The following SUZ12 variants were observed in gnomAD, a reference collection of about 807,000 sequenced individuals.
SUZ12 encodes polycomb protein SUZ12.
In SUZ12, 17 loss-of-function variants were observed where a neutral mutation model predicts 87.3. The observed-to-expected ratio is 0.19, with a 90% CI of 0.13 to 0.29. SUZ12 has a LOEUF of 0.29. Among genes scored for constraint, SUZ12 ranks in the 10% least tolerant of loss-of-function variants. The pLI is 1.00. For synonymous variants in SUZ12, 253 were observed against 312.4 expected (o/e 0.81, Z 2.01); for missense variants, 526 against 912.2 (o/e 0.58, Z 5.45).
At position 31,999,035 on chromosome 17, in the gene SUZ12, T is replaced by C. The variant is rs370088626; in HGVS notation, c.*32T>C. ...CTAACCCCATGTTATGGACAAACAC[T>C]GAAATTACATTTTAGGGAATTCATC... On this transcript the variant is annotated 3_prime_UTR_variant, in exon 16 of 16. Coordinates refer to ENST00000322652, the MANE Select transcript of SUZ12 (RefSeq NM_015355.4). 6.8e-7 allele frequency: 1 copy of C among 1,468,190 alleles called. No individual in the cohort carries two copies. 90.9% of individuals were successfully genotyped at this position (1,468,190 alleles called of 1,614,324 possible).
chr17:31,998,473 CTT>C lies in SUZ12; in HGVS notation c.1875-184_1875-183del, dbSNP rs556575359. 2.4e-4 allele frequency among the ~76,000 whole-genome samples: 36 copies of C among 152,108 alleles called. 1 individual carries two copies. The highest frequency in any genetic ancestry group is 1.0e-3 in the Admixed American group (16 of 15,268). On this transcript the variant is annotated intron_variant, in intron 15 of 15. Coordinates refer to ENST00000322652, the MANE Select transcript of SUZ12 (RefSeq NM_015355.4). ...TTTAAGCTTAAGTTAGATTAAATCT[CTT>C]GAAATTTTTAAAATGGTAAGCTCAT...
At chr17:31,982,288 A>G (rs538315848) in intron 8 of SUZ12, among the ~76,000 whole-genome samples, 3 of 152,356 alleles carry the variant, frequency 2.0e-5, no homozygotes, top group Non-Finnish European at 4.4e-5. Context: ...TCAAACAATT[A>G]CAGTAGTTAA....
At chr17:31,937,594 C>G in intron 1 of SUZ12, 74 bp downstream of exon 1, 7 of 1,514,280 alleles carry the variant, frequency 4.6e-6, no homozygotes, top group Non-Finnish European at 6.2e-6. Context: ...TCTGCTGGGC[C>G]CCCTTCCTCC....
intron 9 of SUZ12, among the ~76,000 whole-genome samples, chr17:31,986,059 C>T (rs1367185679): frequency 2.6e-5 from 4 of 151,908 alleles, no homozygotes; most frequent in Non-Finnish European, 5.9e-5. Context: ...ACCTCTGCCT[C>T]CTGGGTTCAA....
chr17:31,990,121 ATT>A (rs59793925), intron 10 of SUZ12, among the ~76,000 whole-genome samples: 51 of 99,826 alleles, frequency 5.1e-4, no homozygotes, highest in African/African-American at 2.2e-3. Context: ...TGCCCGGCTA[ATT>A]TTTTTTTTTT....
intron 4 of SUZ12, among the ~76,000 whole-genome samples, chr17:31,953,711 ATT>A (rs756892113): frequency 2.1e-4 from 27 of 131,678 alleles, no homozygotes; most frequent in Admixed American, 3.8e-4. Context: ...CCCAGCCTCA[ATT>A]TTTTTTTTTT....
chr17:31,958,154 A>G (rs193107752), intron 4 of SUZ12, among the ~76,000 whole-genome samples: 16,080 of 151,426 alleles, frequency 0.11, 1,041 homozygotes, highest in Middle Eastern at 0.15. Flanking sequence ...CGCCCACCTC[A>G]GCCTCCCAAA....
intron 9 of SUZ12, among the ~76,000 whole-genome samples, chr17:31,987,223 G>A (rs968226026): frequency 1.3e-5 from 2 of 152,136 alleles, no homozygotes; most frequent in African/African-American, 2.4e-5. Flanking sequence ...CAAAAATAAC[G>A]TGAGAAGGAA....
At chr17:31,984,620 A>G (rs1909304390) in intron 9 of SUZ12, among the ~76,000 whole-genome samples, 1 of 152,260 alleles carries the variant, frequency 6.6e-6, no homozygotes, top group African/African-American at 2.4e-5. Flanking sequence ...ATTGTGAATT[A>G]TAAAACAAGA....
intron 9 of SUZ12, among the ~76,000 whole-genome samples, chr17:31,987,995 C>G (rs757695732): frequency 1.3e-5 from 2 of 151,904 alleles, no homozygotes; most frequent in Non-Finnish European, 2.9e-5. Context: ...GGAAATTTTC[C>G]CATGATAACT....
intron 10 of SUZ12, among the ~76,000 whole-genome samples, chr17:31,989,098 T>C (rs554456319): frequency 6.6e-6 from 1 of 151,734 alleles, no homozygotes; most frequent in African/African-American, 2.4e-5. Context: ...AGTCAATAAA[T>C]TAAAAAAGTA....
At chr17:31,964,084 TG>T (rs1174323771) in intron 4 of SUZ12, among the ~76,000 whole-genome samples, 1 of 152,004 alleles carries the variant, frequency 6.6e-6, no homozygotes, top group Non-Finnish European at 1.5e-5. Context: ...TGGAGTGCAG[TG>T]GTGCAATCTC....
intron 1 of SUZ12, among the ~76,000 whole-genome samples, chr17:31,938,133 A>G (rs1390863937): frequency 5.9e-5 from 9 of 152,082 alleles, no homozygotes; most frequent in Admixed American, 5.2e-4. Context: ...TGCTTTTTCT[A>G]CCTGGCTTAC....
intron 4 of SUZ12, among the ~76,000 whole-genome samples, chr17:31,954,393 A>T (rs1907178517): frequency 6.6e-6 from 1 of 152,002 alleles, no homozygotes; most frequent in African/African-American, 2.4e-5. Flanking sequence ...AAGCTTTTGA[A>T]TTAGTAACCT....
In SUZ12 at chr17:31,954,566, C is replaced by G. The variant is rs185133374; in HGVS notation, c.455+6881C>G. ...TGAACAAAATGGATGAAGGCCCTGC[C>G]TTTATGGAGCTTAGTGTTAGGGGAG... On this transcript the variant is annotated intron_variant, in intron 4 of 15. Coordinates refer to ENST00000322652, the MANE Select transcript of SUZ12 (RefSeq NM_015355.4). Among the ~76,000 whole-genome samples, 13 of 148,250 alleles carry G rather than the reference C, an allele frequency of 8.8e-5. No homozygotes were observed. In the East Asian group the frequency reaches 2.5e-3, roughly 29 times the overall value.
intron 4 of SUZ12, among the ~76,000 whole-genome samples, chr17:31,963,078 A>G (rs187696780): frequency 2.6e-3 from 394 of 151,878 alleles, no homozygotes; most frequent in African/African-American, 8.8e-3. Context: ...TGATTCATGT[A>G]AAAATGTTTA....
intron 3 of SUZ12, among the ~76,000 whole-genome samples, chr17:31,946,835 G>GT (rs1906667059): frequency 6.6e-6 from 1 of 152,098 alleles, no homozygotes; most frequent in Non-Finnish European, 1.5e-5. Flanking sequence ...GCTTTGAGAA[G>GT]TTATACTTAA....
intron 5 of SUZ12, chr17:31,967,228 T>C (rs1207055040): frequency 2.6e-5 from 4 of 151,026 alleles, no homozygotes; most frequent in South Asian, 2.1e-4. Context: ...AAATCACTTA[T>C]CAGCTTATCC....
intron 4 of SUZ12, among the ~76,000 whole-genome samples, chr17:31,964,413 G>GTTT (rs544646719): frequency 1.4e-5 from 2 of 142,014 alleles, no homozygotes; most frequent in African/African-American, 5.1e-5. Context: ...AACTCTGTAG[G>GTTT]TTTTTTTTTT....
Sources: allele counts gnomAD v4.1 joint callset (sites outside exome capture counted in the v4.1 genomes callset), GRCh38; gene constraint gnomAD v4.1.1; transcripts MANE v1.5; gene names NCBI Gene and HGNC (gene_info 2026-07-23, HGNC 2026-07-21).